Variants in SLIT2 observed in about 807,000 individuals in gnomAD.
The protein encoded by SLIT2 is slit guidance ligand 2, also known as slit homolog 2 protein.
Under a neutral mutation model 185.7 loss-of-function variants are expected in SLIT2, and 41 were observed. The ratio of observed to expected loss-of-function variants is 0.22; its 90% CI spans 0.17 to 0.29. The LOEUF is 0.29. SLIT2 is among the 10% of genes least tolerant of loss of function. SLIT2 has a pLI of 1.00. For synonymous variants in SLIT2, 693 were observed against 680.2 expected, an observed-to-expected ratio of 1.02 and a Z score of -0.29; for missense variants, 1,571 against 1,909.0, an observed-to-expected ratio of 0.82 and a Z score of 3.30.
At chr4:20,458,007 C>T (rs1577693841) in intron 4 of SLIT2, among the ~76,000 whole-genome samples, 1 of 150,970 alleles carries the variant, frequency 6.6e-6, no homozygotes, top group African/African-American at 2.4e-5. Flanking sequence ...CACTTGGTCA[C>T]CAGTTTTAAT....
chr4:20,385,984 A>G (rs1451769885), intron 4 of SLIT2, among the ~76,000 whole-genome samples: 1 of 152,206 alleles, frequency 6.6e-6, no homozygotes, highest in Non-Finnish European at 1.5e-5. Flanking sequence ...TCTAGAAACT[A>G]CATACATTTA....
At chr4:20,404,846 G>C (rs949048683) in intron 4 of SLIT2, among the ~76,000 whole-genome samples, 3 of 151,934 alleles carry the variant, frequency 2.0e-5, no homozygotes, top group Non-Finnish European at 4.4e-5. Flanking sequence ...AAAGAATTGA[G>C]AGTTTACTCA....
intron 9 of SLIT2, among the ~76,000 whole-genome samples, chr4:20,504,887 ATAAT>A (rs1719059963): frequency 6.6e-6 from 1 of 151,958 alleles, no homozygotes; most frequent in South Asian, 2.1e-4. Context: ...GTATATTGTA[ATAAT>A]TGTTGTATTT....
intron 4 of SLIT2, among the ~76,000 whole-genome samples, chr4:20,272,147 A>G (rs1272244652): frequency 6.6e-6 from 1 of 151,960 alleles, no homozygotes; most frequent in Non-Finnish European, 1.5e-5. Flanking sequence ...CATTAACAGA[A>G]CTCTGTAAAA....
At chr4:20,297,236 T>C (rs1560293841) in intron 4 of SLIT2, among the ~76,000 whole-genome samples, 1 of 152,250 alleles carries the variant, frequency 6.6e-6, no homozygotes, top group Non-Finnish European at 1.5e-5. Context: ...CAACTGTGAT[T>C]CTTTAAGAAA....
chr4:20,453,010 T>C (rs766764804), intron 4 of SLIT2, among the ~76,000 whole-genome samples: 6 of 152,226 alleles, frequency 3.9e-5, no homozygotes, highest in Non-Finnish European at 5.9e-5. Context: ...AATTATGATA[T>C]CATGAAAATG....
At chr4:20,435,330 A>G (rs530467721) in intron 4 of SLIT2, among the ~76,000 whole-genome samples, 1 of 152,360 alleles carries the variant, frequency 6.6e-6, no homozygotes, top group Non-Finnish European at 1.5e-5. Context: ...CACTATCCTT[A>G]ACTCCACTGG....
chr4:20,589,676 G>A lies in SLIT2; in HGVS notation c.3121G>A (p.Ala1041Thr). 6.2e-7 allele frequency: 1 copy of A among 1,613,904 alleles called. No individual in the cohort carries two copies. The highest frequency in any genetic ancestry group is 8.5e-7 in the Non-Finnish European group (1 of 1,179,950). ...ELCEEKLDFC[A>T]QDLNPCQHDS... Reference sequence around the variant, plus strand: ...GTGTGAGGAGAAGCTGGACTTCTGTGCCCAGGACCTGAACCCCTGCCAGCA... The same window carrying A: ...GTGTGAGGAGAAGCTGGACTTCTGTACCCAGGACCTGAACCCCTGCCAGCA... The change falls in exon 30 of 37, where the codon GCC becomes ACC. Residue 1041 changes from alanine to threonine, a missense_variant. By Grantham distance (58) the Ala-to-Thr change is moderately conservative. This residue lies in a region of SLIT2 where 1,202 missense variants were observed against 1,416.4 expected (regional missense o/e 0.85). Transcript: ENST00000504154.
intron 33 of SLIT2, among the ~76,000 whole-genome samples, chr4:20,599,812 C>T (rs2148964100): frequency 6.6e-6 from 1 of 152,262 alleles, no homozygotes; most frequent in East Asian, 1.9e-4. Context: ...TTGATTATGA[C>T]ATAAAGTGGA....
At chr4:20,505,261 T>C (rs1719101274) in intron 9 of SLIT2, among the ~76,000 whole-genome samples, 1 of 152,094 alleles carries the variant, frequency 6.6e-6, no homozygotes, top group Non-Finnish European at 1.5e-5. Flanking sequence ...ATAGCTTTTG[T>C]AAGGTCCAGA....
At chr4:20,472,477 T>TATAG (rs1715446577) in intron 5 of SLIT2, among the ~76,000 whole-genome samples, 1 of 27,926 alleles carries the variant, frequency 3.6e-5, no homozygotes, top group Non-Finnish European at 5.3e-5. Flanking sequence ...TATATATAGA[T>TATAG]ATATATCTAT....
At chr4:20,616,633 T>C (rs974863062) in intron 34 of SLIT2, 7 of 331,914 alleles carry the variant, frequency 2.1e-5, no homozygotes, top group Middle Eastern at 8.2e-4. Flanking sequence ...TGTGTACATG[T>C]AAAGTTTTCT....
chr4:20,430,616 TTACC>T (rs1383459602), intron 4 of SLIT2, among the ~76,000 whole-genome samples: 1 of 152,224 alleles, frequency 6.6e-6, no homozygotes, highest in Non-Finnish European at 1.5e-5. Flanking sequence ...CACAAGTTAC[TTACC>T]TATTTATTTA....
In SLIT2 at chr4:20,619,117, G is replaced by A; in HGVS notation, c.*108G>A. 5 of 1,111,312 alleles carry A rather than the reference G, an allele frequency of 4.5e-6. No individual in the cohort carries two copies. The highest frequency in any genetic ancestry group is 3.7e-6 in the Non-Finnish European group (3 of 806,840). The allele number at this position is 1,111,312 out of a possible 1,614,324, so 68.8% of individuals were successfully genotyped here. On this transcript the variant is annotated 3_prime_UTR_variant, in exon 37 of 37. Coordinates refer to ENST00000504154, the MANE Select transcript of SLIT2 (RefSeq NM_004787.4). ...TATTTGAAATATATTGTAAAATACA[G>A]AACAGACTTATTTTTATTATGAGAA...
intron 4 of SLIT2, among the ~76,000 whole-genome samples, chr4:20,422,146 T>C (rs1728218320): frequency 6.6e-6 from 1 of 152,194 alleles, no homozygotes; most frequent in Non-Finnish European, 1.5e-5. Context: ...TATATATTGA[T>C]ATATCTGTAT....
rs145762370 is a variant in SLIT2, at chr4:20,569,884, G to A, written c.3088+880G>A. On this transcript the variant is annotated intron_variant, in intron 29 of 36. Coordinates refer to ENST00000504154, the MANE Select transcript of SLIT2 (RefSeq NM_004787.4). ...TTTAATACATAGCGAGAAAATCAAA[G>A]GATGAAATTACAATGCAGGTGACTG... 8.6e-3 allele frequency among the ~76,000 whole-genome samples: 1,308 copies of A among 152,006 alleles called. 16 individuals carry two copies. Among genetic ancestry groups the A allele is most frequent in the African/African-American group, 0.029 (1,220 of 41,502 alleles).
chr4:20,409,678 A>G (rs1177558491), intron 4 of SLIT2, among the ~76,000 whole-genome samples: 1 of 152,200 alleles, frequency 6.6e-6, no homozygotes, highest in Non-Finnish European at 1.5e-5. Context: ...ACTAATTTAC[A>G]TTCCCATCAA....
chr4:20,407,367 C>T (rs577594093), intron 4 of SLIT2, among the ~76,000 whole-genome samples: 4 of 152,226 alleles, frequency 2.6e-5, no homozygotes, highest in East Asian at 1.9e-4. Context: ...ACAGAAACAC[C>T]GGTCAATATA....
chr4:20,319,395 GC>G (rs1248471741), intron 4 of SLIT2, among the ~76,000 whole-genome samples: 2 of 151,890 alleles, frequency 1.3e-5, no homozygotes, highest in Non-Finnish European at 2.9e-5. Context: ...CTATAAAATC[GC>G]CCATGTTTTT....
Sources: gnomAD v4.1 joint callset for allele counts (sites outside exome capture counted in the v4.1 genomes callset) on GRCh38, gnomAD v4.1.1 for gene constraint, gnomAD v4.1.1 regional missense constraint, MANE v1.5 for transcripts, NCBI Gene and HGNC (gene_info 2026-07-23, HGNC 2026-07-21) for gene names.